The following CNTNAP3B variants were observed in gnomAD, a reference collection of about 807,000 sequenced individuals.
CNTNAP3B encodes contactin associated protein family member 3B.
A neutral mutation model predicts 108.9 loss-of-function variants in CNTNAP3B; 25 were observed. That is an observed-to-expected ratio of 0.23 (90% CI 0.17 to 0.32). The LOEUF (loss-of-function observed/expected upper bound fraction) is 0.32. Among genes scored for constraint, CNTNAP3B ranks in the 10% least tolerant of loss-of-function variants. The pLI, the probability that CNTNAP3B is intolerant of heterozygous loss-of-function variation, is 1.00. For missense variants in CNTNAP3B, 252 were observed against 1,210.4 expected, an observed-to-expected ratio of 0.21 and a Z score of 11.75; for synonymous variants, 103 against 473.4, an observed-to-expected ratio of 0.22 and a Z score of 10.16.
intron 15 of CNTNAP3B, among the ~76,000 whole-genome samples, chr9:41,928,577 A>T (rs1489921432): frequency 6.6e-6 from 1 of 152,290 alleles, no homozygotes; most frequent in African/African-American, 2.4e-5. Flanking sequence ...GCAAGAATGT[A>T]CAGAGAGGCT....
intron 10 of CNTNAP3B, among the ~76,000 whole-genome samples, chr9:41,966,970 A>AAAAC (rs1251961112): frequency 2.0e-5 from 3 of 150,344 alleles, no homozygotes; most frequent in Non-Finnish European, 3.0e-5. Flanking sequence ...CTGTCTCAAA[A>AAAAC]AAACAAACAA....
intron 1 of CNTNAP3B, among the ~76,000 whole-genome samples, chr9:42,125,430 C>T (rs1198937785): frequency 2.1e-5 from 3 of 141,790 alleles, no homozygotes; most frequent in East Asian, 4.3e-4. Context: ...TGGTCCTGGG[C>T]CTCCCCACTA....
chr9:42,032,106 G>A (rs1199521054), intron 3 of CNTNAP3B, among the ~76,000 whole-genome samples: 1 of 117,440 alleles, frequency 8.5e-6, no homozygotes, highest in African/African-American at 3.6e-5. Flanking sequence ...TCTCCCAGGA[G>A]CCCCGCCTGC....
chr9:42,110,390 G>A (rs1443998821), intron 1 of CNTNAP3B, among the ~76,000 whole-genome samples: 1 of 137,166 alleles, frequency 7.3e-6, no homozygotes, highest in Non-Finnish European at 1.6e-5. Flanking sequence ...GAAGGAGAGG[G>A]GAAGGGGCCA....
intron 1 of CNTNAP3B, among the ~76,000 whole-genome samples, chr9:42,122,682 T>C (rs1161071000): frequency 7.1e-6 from 1 of 141,110 alleles, no homozygotes; most frequent in African/African-American, 2.8e-5. Context: ...TCATCAAACA[T>C]ATTTCTATTA....
chr9:41,942,688 T>A, intron 13 of CNTNAP3B, among the ~76,000 whole-genome samples: 1 of 152,176 alleles, frequency 6.6e-6, no homozygotes, highest in Non-Finnish European at 1.5e-5. Context: ...TTATCATCAA[T>A]CAGATCAGTA....
At chr9:41,947,328 A>G (rs1476501583) in intron 13 of CNTNAP3B, among the ~76,000 whole-genome samples, 6 of 152,256 alleles carry the variant, frequency 3.9e-5, no homozygotes, top group Non-Finnish European at 8.8e-5. Flanking sequence ...CTCTAAGCAT[A>G]ATGGAATCAA....
intron 3 of CNTNAP3B, among the ~76,000 whole-genome samples, chr9:42,042,359 T>C (rs1826778591): frequency 7.4e-6 from 1 of 134,696 alleles, no homozygotes; most frequent in Non-Finnish European, 1.6e-5. Context: ...TGCAACCCTG[T>C]AAATATGAGT....
chr9:41,983,231 T>G (rs1195346981), intron 9 of CNTNAP3B: 1 of 135,020 alleles, frequency 7.4e-6, no homozygotes, highest in African/African-American at 3.0e-5. Flanking sequence ...ACGTATTTTC[T>G]GTAGGAAATG....
chr9:41,953,456 C>G, intron 12 of CNTNAP3B, 70 bp from the exon 13 acceptor site: 1 of 1,517,272 alleles, frequency 6.6e-7, no homozygotes, highest in Non-Finnish European at 8.9e-7. Context: ...CAAAGCAGAC[C>G]TTTTATGTGA....
chr9:41,955,567 G>C (rs941484379), intron 12 of CNTNAP3B, among the ~76,000 whole-genome samples: 3 of 152,068 alleles, frequency 2.0e-5, no homozygotes, highest in Non-Finnish European at 4.4e-5. Flanking sequence ...GTCTCCCTCT[G>C]TTGCCCAGCT....
chr9:41,921,740 C>G lies in CNTNAP3B; in HGVS notation c.2755+937G>C, dbSNP rs1306307834. On this transcript the variant is annotated intron_variant, in intron 17 of 23. Transcript: ENST00000377561. ...CCTTTAAATAAATGGAGTGCAAGAA[C>G]AGATGAGCCAGACCGGGTTATAAAC... Among the ~76,000 whole-genome samples, 4 of 152,158 alleles carry G rather than the reference C, an allele frequency of 2.6e-5. No individual in the cohort carries two copies. The East Asian group carries it at 5.8e-4, about 22-fold the overall frequency.
chr9:41,924,494 G>C (rs1823754551), intron 15 of CNTNAP3B, among the ~76,000 whole-genome samples: 2 of 152,300 alleles, frequency 1.3e-5, no homozygotes, highest in African/African-American at 4.8e-5. Context: ...ACTGGGAAGG[G>C]AAATAATTCT....
intron 13 of CNTNAP3B, among the ~76,000 whole-genome samples, chr9:41,940,118 T>C (rs1824288629): frequency 6.6e-6 from 1 of 152,292 alleles, no homozygotes; most frequent in Non-Finnish European, 1.5e-5. Flanking sequence ...AACTGAGCCA[T>C]AGGGTCCTAT....
chr9:42,124,923 T>C (rs1162965285), intron 1 of CNTNAP3B, among the ~76,000 whole-genome samples: 2 of 138,920 alleles, frequency 1.4e-5, no homozygotes, highest in South Asian at 2.3e-4. Flanking sequence ...AATGCATCAA[T>C]TTAACTACAC....
intron 10 of CNTNAP3B, among the ~76,000 whole-genome samples, chr9:41,967,863 C>A (rs565421354): frequency 6.6e-6 from 1 of 152,382 alleles, no homozygotes; most frequent in Admixed American, 6.5e-5. Context: ...TCTTAAAATC[C>A]TTATCTGCAA....
At chr9:42,017,193 C>T (rs1213924814) in intron 3 of CNTNAP3B, among the ~76,000 whole-genome samples, 2 of 138,940 alleles carry the variant, frequency 1.4e-5, no homozygotes, top group African/African-American at 2.8e-5. Context: ...AAATTTCCAA[C>T]ACTGTACTTT....
intron 2 of CNTNAP3B, among the ~76,000 whole-genome samples, chr9:42,096,561 T>G (rs982000060): frequency 1.5e-5 from 2 of 132,540 alleles, no homozygotes; most frequent in Non-Finnish European, 3.2e-5. Flanking sequence ...GGCGAAAAAT[T>G]TCAGTGAGCT....
At chr9:42,113,326 TC>T (rs1411850476) in intron 1 of CNTNAP3B, among the ~76,000 whole-genome samples, 1 of 137,866 alleles carries the variant, frequency 7.3e-6, no homozygotes, top group Non-Finnish European at 1.5e-5. Flanking sequence ...TTGTTCTCTT[TC>T]CTTTTATTTC....
Sources: allele counts gnomAD v4.1 joint callset (sites outside exome capture counted in the v4.1 genomes callset), GRCh38; gene constraint gnomAD v4.1.1; transcripts MANE v1.5; gene names NCBI Gene and HGNC (gene_info 2026-07-23, HGNC 2026-07-21).